MTFR1: variants seen among roughly 807,000 people sequenced by gnomAD.
MTFR1 encodes the protein chondrocyte protein with a poly-proline region.
Under a neutral mutation model 38.8 loss-of-function variants are expected in MTFR1, and 28 were observed. That is an observed-to-expected ratio of 0.72 (90% CI 0.53 to 0.99). The LOEUF (loss-of-function observed/expected upper bound fraction) is 0.99. Ranked by LOEUF, MTFR1 falls within the 50% of genes least tolerant of loss-of-function variation. The pLI is 0.00. For missense variants in MTFR1, 358 were observed against 395.5 expected (o/e 0.91, Z 0.81); for synonymous variants, 145 against 137.0 (o/e 1.06, Z -0.41).
intron 3 of MTFR1, chr8:65,727,310 T>C: frequency 1.2e-6 from 2 of 1,612,080 alleles, no homozygotes; most frequent in East Asian, 2.2e-5. Context: ...AGCTGAAGTG[T>C]GACAAAAGAA....
At chr8:65,688,049 G>C (rs1295443619) in intron 3 of MTFR1, among the ~76,000 whole-genome samples, 1 of 146,282 alleles carries the variant, frequency 6.8e-6, no homozygotes, top group African/African-American at 2.5e-5. Flanking sequence ...GCAGTGAGCT[G>C]ATACTGTGCC....
chr8:65,734,003 A>G (rs1435069470), intron 3 of MTFR1, among the ~76,000 whole-genome samples: 4 of 152,212 alleles, frequency 2.6e-5, no homozygotes, highest in Admixed American at 2.6e-4. Flanking sequence ...ACACCTGCAG[A>G]CAATGATTCC....
intron 5 of MTFR1, among the ~76,000 whole-genome samples, chr8:65,706,249 A>G (rs1417079191): frequency 2.0e-5 from 3 of 152,202 alleles, no homozygotes; most frequent in African/African-American, 4.8e-5. Context: ...GCTGACTGGG[A>G]AAGTGCTACC....
intron 1 of MTFR1, among the ~76,000 whole-genome samples, chr8:65,646,479 AAAC>A (rs1275154237): frequency 2.6e-5 from 4 of 152,236 alleles, no homozygotes; most frequent in African/African-American, 9.6e-5. Flanking sequence ...ACACAAATAC[AAAC>A]AATAGTGAGA....
chr8:65,667,157 TC>T (rs1563438799), intron 1 of MTFR1, among the ~76,000 whole-genome samples: 1 of 151,648 alleles, frequency 6.6e-6, no homozygotes, highest in African/African-American at 2.4e-5. Flanking sequence ...ATGCCTGTAC[TC>T]CCAGCCACTT....
At chr8:65,701,960 CA>C (rs1403652057) in intron 4 of MTFR1, among the ~76,000 whole-genome samples, 7 of 152,176 alleles carry the variant, frequency 4.6e-5, no homozygotes, top group Admixed American at 4.6e-4. Context: ...CATTACTTGA[CA>C]GTAGACATGA....
rs564821962 is a variant in MTFR1, at chr8:65,707,041, A to G, written c.549A>G (p.Ile183Met). 3.5e-5 allele frequency: 56 copies of G among 1,610,656 alleles called. No homozygotes were observed. The Admixed American group carries it at 4.5e-4, about 13-fold the overall frequency. The change falls in exon 6 of 8, where the codon ATA becomes ATG. Residue 183 changes from isoleucine to methionine, a missense_variant. Physicochemically the swap from Ile to Met is conservative, Grantham distance 10. Transcript: ENST00000262146. ...TAGATTCTACCACATTTGGTACCAT[A>G]CCACCACACCCTCCACCTCCCCCAC... ...GDLDSTTFGT[I>M]PPHPPPPPPP...
intron 3 of MTFR1, among the ~76,000 whole-genome samples, chr8:65,751,193 A>C (rs1169578727): frequency 6.6e-6 from 1 of 152,242 alleles, no homozygotes; most frequent in East Asian, 1.9e-4. Context: ...AAGAATGAAA[A>C]TCCCACGAGA....
downstream of MTFR1, among the ~76,000 whole-genome samples, chr8:65,775,029 A>G (rs143840816): frequency 8.6e-4 from 131 of 152,360 alleles, no homozygotes; most frequent in African/African-American, 1.9e-3. Context: ...GTTCTGATAA[A>G]CTGTAATTTT....
intron 4 of MTFR1, among the ~76,000 whole-genome samples, chr8:65,702,293 C>T (rs145199284): frequency 7.2e-5 from 10 of 137,954 alleles, no homozygotes; most frequent in Non-Finnish European, 9.4e-5. Context: ...TTCTTTCTTT[C>T]TTTCTTTTTT....
intron 2 of MTFR1, among the ~76,000 whole-genome samples, chr8:65,680,930 G>T (rs1205613665): frequency 1.5e-5 from 2 of 136,958 alleles, no homozygotes; most frequent in African/African-American, 2.7e-5. Context: ...TTTTGAGACG[G>T]AGTCTCGCTC....
At chr8:65,670,924 TTGAACCCC>T (rs2129051338) in intron 2 of MTFR1, among the ~76,000 whole-genome samples, 1 of 152,298 alleles carries the variant, frequency 6.6e-6, no homozygotes, top group Non-Finnish European at 1.5e-5. Context: ...CAGGCTGGTC[TTGAACCCC>T]TGACTGCCCA....
chr8:65,730,893 A>G (rs1310052840), intron 3 of MTFR1, among the ~76,000 whole-genome samples: 3 of 152,350 alleles, frequency 2.0e-5, no homozygotes, highest in South Asian at 4.1e-4. Context: ...ACTGCACTCC[A>G]GCCTGGGCGA....
intron 3 of MTFR1, chr8:65,724,166 C>T (rs1806510305): frequency 1.3e-6 from 1 of 764,872 alleles, no homozygotes; most frequent in African/African-American, 1.7e-5. Context: ...TACTGCTAGA[C>T]CCATATAAAT....
At chr8:65,695,531 A>G (rs1315057051) in intron 4 of MTFR1, among the ~76,000 whole-genome samples, 2 of 151,918 alleles carry the variant, frequency 1.3e-5, no homozygotes, top group Non-Finnish European at 2.9e-5. Context: ...TGATTTTTGT[A>G]TTTTTAGTAG....
intron 1 of MTFR1, among the ~76,000 whole-genome samples, chr8:65,659,352 T>C (rs369772185): frequency 4.6e-4 from 70 of 152,156 alleles, no homozygotes; most frequent in African/African-American, 1.7e-3. Context: ...GGCAATTTAC[T>C]GCTGCAGAAG....
chr8:65,725,975 G>A (rs576294499), intron 3 of MTFR1, among the ~76,000 whole-genome samples: 7 of 152,170 alleles, frequency 4.6e-5, no homozygotes, highest in African/African-American at 9.6e-5. Flanking sequence ...AATGGTATCC[G>A]TGAATAAAGA....
chr8:65,679,521 G>A (rs143767652), intron 2 of MTFR1: 1 of 152,332 alleles, frequency 6.6e-6, no homozygotes, highest in African/African-American at 2.4e-5. Flanking sequence ...TACTCAAGAG[G>A]CTGAAGCAGG....
intron 2 of MTFR1, among the ~76,000 whole-genome samples, chr8:65,679,197 T>G (rs893236735): frequency 1.3e-5 from 2 of 152,204 alleles, no homozygotes; most frequent in Non-Finnish European, 2.9e-5. Flanking sequence ...TTGTACTACA[T>G]CATAGGAGAA....
Sources: gnomAD v4.1 joint callset for allele counts (sites outside exome capture counted in the v4.1 genomes callset) on GRCh38, gnomAD v4.1.1 for gene constraint, MANE v1.5 for transcripts, NCBI Gene and HGNC (gene_info 2026-07-23, HGNC 2026-07-21) for gene names.